NAALADL2: variants seen among roughly 807,000 people sequenced by gnomAD.
NAALADL2 encodes the protein inactive N-acetylated-alpha-linked acidic dipeptidase-like protein 2.
Under a neutral mutation model 87.2 loss-of-function variants are expected in NAALADL2, and 76 were observed. The ratio of observed to expected loss-of-function variants is 0.87; its 90% confidence interval spans 0.72 to 1.05. The LOEUF is 1.05. Among genes scored for constraint, NAALADL2 ranks in the 50% least tolerant of loss-of-function variants. The pLI is 0.00. For missense variants in NAALADL2, 1,089 were observed against 945.8 expected (o/e 1.15, Z -1.99); for synonymous variants, 354 against 331.0 (o/e 1.07, Z -0.75).
intron 3 of NAALADL2, among the ~76,000 whole-genome samples, chr3:174,745,764 C>G (rs1269579703): frequency 6.6e-6 from 1 of 152,138 alleles, no homozygotes; most frequent in African/African-American, 2.4e-5. Flanking sequence ...AGCTTCGTCC[C>G]TGGGATGCAA....
At chr3:175,322,143 C>T (rs1338940803) in intron 4 of NAALADL2, among the ~76,000 whole-genome samples, 5 of 150,894 alleles carry the variant, frequency 3.3e-5, no homozygotes, top group East Asian at 2.0e-4. Context: ...AACAGAGATA[C>T]AGATCAATGG....
chr3:174,921,630 T>A (rs769501348), intron 1 of NAALADL2, among the ~76,000 whole-genome samples: 4 of 151,794 alleles, frequency 2.6e-5, no homozygotes, highest in Non-Finnish European at 4.4e-5. Flanking sequence ...TGAAACCCCA[T>A]TGCTACTAAA....
chr3:175,622,595 A>T (rs1726386468), intron 10 of NAALADL2, among the ~76,000 whole-genome samples: 1 of 152,098 alleles, frequency 6.6e-6, no homozygotes, highest in African/African-American at 2.4e-5. Flanking sequence ...TCCAGTCCAG[A>T]TTCTGCCACT....
chr3:174,766,000 A>G (rs1044638278), intron 3 of NAALADL2, among the ~76,000 whole-genome samples: 7 of 152,192 alleles, frequency 4.6e-5, no homozygotes, highest in African/African-American at 1.7e-4. Flanking sequence ...GGTCTACCTA[A>G]GGACCATTTC....
At chr3:175,130,836 A>G (rs4894694) in intron 2 of NAALADL2, among the ~76,000 whole-genome samples, 51 of 152,314 alleles carry the variant, frequency 3.3e-4, no homozygotes, top group Admixed American at 2.0e-3. Context: ...AAATCAGGAC[A>G]TGTAAAACCT....
At chr3:175,653,164 T>C (rs1015292875) in intron 11 of NAALADL2, among the ~76,000 whole-genome samples, 5 of 151,974 alleles carry the variant, frequency 3.3e-5, no homozygotes, top group African/African-American at 1.2e-4. Context: ...AAGGGGCTGG[T>C]CTTGTATCTC....
intron 11 of NAALADL2, among the ~76,000 whole-genome samples, chr3:175,660,992 C>G (rs1317620999): frequency 6.6e-6 from 1 of 151,940 alleles, no homozygotes; most frequent in Non-Finnish European, 1.5e-5. Flanking sequence ...TACTGATTTT[C>G]TTTCTTTGGT....
At chr3:174,836,806 A>G (rs1412051613) in intron 3 of NAALADL2, among the ~76,000 whole-genome samples, 1 of 152,066 alleles carries the variant, frequency 6.6e-6, no homozygotes, top group Non-Finnish European at 1.5e-5. Flanking sequence ...CAAAATAAAC[A>G]CATTTTTAGT....
intron 2 of NAALADL2, among the ~76,000 whole-genome samples, chr3:174,700,851 A>C (rs746436599): frequency 4.6e-5 from 7 of 152,190 alleles, no homozygotes; most frequent in Non-Finnish European, 7.3e-5. Context: ...TTCCCTGAGG[A>C]GGTAGAAATT....
At chr3:174,977,157 G>T (rs1744465868) in intron 1 of NAALADL2, among the ~76,000 whole-genome samples, 1 of 152,198 alleles carries the variant, frequency 6.6e-6, no homozygotes, top group South Asian at 2.1e-4. Flanking sequence ...AGTACTACAT[G>T]ACCTCCCATG....
intron 2 of NAALADL2, among the ~76,000 whole-genome samples, chr3:175,163,572 A>T (rs966761097): frequency 3.9e-5 from 6 of 151,986 alleles, no homozygotes; most frequent in African/African-American, 1.2e-4. Context: ...GAGTGTTGAG[A>T]GTAGGGGAGA....
intron 2 of NAALADL2, among the ~76,000 whole-genome samples, chr3:175,133,631 C>A (rs1047238831): frequency 1.1e-4 from 16 of 152,154 alleles, no homozygotes; most frequent in South Asian, 4.1e-4. Flanking sequence ...CTGAGGCAGG[C>A]GAATCAGGCA....
intron 2 of NAALADL2, among the ~76,000 whole-genome samples, chr3:175,227,178 C>T (rs62285897): frequency 0.17 from 26,578 of 151,994 alleles, 2,515 homozygotes; most frequent in Admixed American, 0.25. Context: ...TTACAGTATA[C>T]TCTTGGCATT....
At chr3:174,756,712 T>C (rs1253864257) in intron 3 of NAALADL2, among the ~76,000 whole-genome samples, 1 of 152,148 alleles carries the variant, frequency 6.6e-6, no homozygotes, top group Non-Finnish European at 1.5e-5. Context: ...AATTTTGAAA[T>C]AAAGCTGGTA....
chr3:175,091,183 A>G (rs1052364424), intron 1 of NAALADL2, among the ~76,000 whole-genome samples: 22 of 152,130 alleles, frequency 1.4e-4, no homozygotes, highest in Non-Finnish European at 2.6e-4. Context: ...CCTATAAAGA[A>G]TATTCTTAAA....
chr3:175,054,814 A>G (rs1405103578), intron 1 of NAALADL2, among the ~76,000 whole-genome samples: 1 of 152,092 alleles, frequency 6.6e-6, no homozygotes, highest in Non-Finnish European at 1.5e-5. Flanking sequence ...TCATATGTTG[A>G]CTTTGAGGGC....
At chr3:175,465,370 C>G (rs865932582) in intron 7 of NAALADL2, among the ~76,000 whole-genome samples, 1 of 151,658 alleles carries the variant, frequency 6.6e-6, no homozygotes, top group African/African-American at 2.4e-5. Context: ...GCAGACAATT[C>G]CAAGCAAAAC....
At chr3:175,045,246 C>T (rs963386944) in intron 1 of NAALADL2, among the ~76,000 whole-genome samples, 2 of 152,218 alleles carry the variant, frequency 1.3e-5, no homozygotes, top group South Asian at 2.1e-4. Context: ...ATCACACTCT[C>T]CGTGGACACT....
chr3:175,794,946 G>C (rs73881379), intron 13 of NAALADL2, among the ~76,000 whole-genome samples: 1 of 152,104 alleles, frequency 6.6e-6, no homozygotes, highest in African/African-American at 2.4e-5. Flanking sequence ...GTTCTGGAGC[G>C]GGTACTCTGG....
Sources: gnomAD v4.1 joint callset for allele counts (sites outside exome capture counted in the v4.1 genomes callset) on GRCh38, gnomAD v4.1.1 for gene constraint, MANE v1.5 for transcripts, NCBI Gene and HGNC (gene_info 2026-07-23, HGNC 2026-07-21) for gene names.